RETREG1: variants seen among roughly 807,000 people sequenced by gnomAD.
The protein encoded by RETREG1 is reticulophagy regulator 1, also known as family with sequence similarity 134 member B.
Under a neutral mutation model 54.8 loss-of-function variants are expected in RETREG1, and 44 were observed. That is an observed-to-expected ratio of 0.80 (90% CI 0.63 to 1.03). The LOEUF (loss-of-function observed/expected upper bound fraction) is 1.03. Among genes scored for constraint, RETREG1 ranks in the 50% least tolerant of loss-of-function variants. The probability of loss-of-function intolerance (pLI) is 0.00; values close to 1 mark genes in which losing one functional copy is unlikely to be tolerated. For missense variants in RETREG1, 554 were observed against 605.1 expected, an observed-to-expected ratio of 0.92 and a Z score of 0.89; for synonymous variants, 217 against 238.5, an observed-to-expected ratio of 0.91 and a Z score of 0.83.
At chr5:16,560,484 G>A (rs1012406901) in intron 3 of RETREG1, among the ~76,000 whole-genome samples, 13 of 152,098 alleles carry the variant, frequency 8.5e-5, no homozygotes, top group Admixed American at 5.2e-4. Context: ...GTCATGAAAC[G>A]CCATGGAAAA....
At chr5:16,525,908 T>A (rs1256673276) in intron 3 of RETREG1, among the ~76,000 whole-genome samples, 2 of 152,138 alleles carry the variant, frequency 1.3e-5, no homozygotes, top group Non-Finnish European at 2.9e-5. Flanking sequence ...CTGAGGGAAG[T>A]CTGCAGACAG....
At chr5:16,490,265 A>G (rs908799257) in intron 3 of RETREG1, among the ~76,000 whole-genome samples, 1 of 152,218 alleles carries the variant, frequency 6.6e-6, no homozygotes, top group Non-Finnish European at 1.5e-5. Context: ...GGTTTCTGGC[A>G]TTTGTAAAAC....
At chr5:16,572,485 T>A (rs1342254028) in intron 1 of RETREG1, among the ~76,000 whole-genome samples, 2 of 152,178 alleles carry the variant, frequency 1.3e-5, no homozygotes, top group Non-Finnish European at 2.9e-5. Flanking sequence ...AGTGCTAGGA[T>A]TACAGGCGTG....
chr5:16,602,935 G>A (rs1367320029), intron 1 of RETREG1, among the ~76,000 whole-genome samples: 1 of 152,180 alleles, frequency 6.6e-6, no homozygotes, highest in Non-Finnish European at 1.5e-5. Flanking sequence ...TTGAACCTGG[G>A]AGGAGGAGGT....
intron 1 of RETREG1, 152 bp downstream of exon 1, chr5:16,616,500 T>C (rs1743513330): frequency 1.5e-6 from 2 of 1,334,782 alleles, no homozygotes; most frequent in South Asian, 1.4e-5. Flanking sequence ...AGTGTCTACC[T>C]GTTCGAGACA....
intron 3 of RETREG1, among the ~76,000 whole-genome samples, chr5:16,554,982 G>A (rs571590480): frequency 2.0e-5 from 3 of 152,046 alleles, no homozygotes; most frequent in Admixed American, 6.5e-5. Flanking sequence ...CATCTTTCCT[G>A]AGTGCCACAT....
At chr5:16,528,698 G>T (rs756900762) in intron 3 of RETREG1, among the ~76,000 whole-genome samples, 4 of 152,160 alleles carry the variant, frequency 2.6e-5, no homozygotes, top group Non-Finnish European at 5.9e-5. Flanking sequence ...TGAACACTAT[G>T]CCTCCTTCAA....
chr5:16,504,626 G>C (rs1739867634), intron 3 of RETREG1, among the ~76,000 whole-genome samples: 1 of 151,952 alleles, frequency 6.6e-6, no homozygotes, highest in Non-Finnish European at 1.5e-5. Context: ...ACACACCCGG[G>C]GTATCGCCAG....
intron 1 of RETREG1, among the ~76,000 whole-genome samples, chr5:16,579,303 C>G (rs1307103476): frequency 6.6e-6 from 1 of 152,132 alleles, no homozygotes; most frequent in East Asian, 1.9e-4. Context: ...GAAACTTGCT[C>G]AAGGCCCCAA....
At chr5:16,513,939 T>G (rs1319712918) in intron 3 of RETREG1, among the ~76,000 whole-genome samples, 1 of 152,224 alleles carries the variant, frequency 6.6e-6, no homozygotes, top group Non-Finnish European at 1.5e-5. Context: ...GCACTTTCTT[T>G]TTTTAAAAAT....
intron 3 of RETREG1, among the ~76,000 whole-genome samples, chr5:16,536,081 G>C (rs1273519731): frequency 6.6e-6 from 1 of 152,232 alleles, no homozygotes; most frequent in Non-Finnish European, 1.5e-5. Context: ...GCACCTGCCT[G>C]ATCTAATCTC....
Position 16,478,091 on chromosome 5 carries a change from G to A in RETREG1, c.816C>T (p.Asp272=), listed in dbSNP as rs162848. The change falls in exon 7 of 9, where the codon GAC becomes GAT. Residue 272 remains aspartate (D), a synonymous_variant. Coordinates refer to ENST00000306320, the MANE Select transcript of RETREG1 (RefSeq NM_001034850.3). Reference sequence around the variant, plus strand: ...TGTCATCTTTGTGACTTTTTTCTTTGTCTGCTTCTGTTGAGGAAAAAATTT... The same window carrying A: ...TGTCATCTTTGTGACTTTTTTCTTTATCTGCTTCTGTTGAGGAAAAAATTT... ...NQKKRERSEA[D]KEKSHKDDSE... 0.68 allele frequency: 1,096,317 copies of A among 1,604,128 alleles called. 377,592 individuals are homozygous for A. The highest frequency in any genetic ancestry group is 0.81 in the African/African-American group (60,228 of 74,814).
At chr5:16,483,564 G>C in intron 3 of RETREG1, 92 bp from the exon 4 acceptor site, 1 of 1,354,474 alleles carries the variant, frequency 7.4e-7, no homozygotes, top group South Asian at 1.2e-5. Flanking sequence ...AGCATCTACT[G>C]TTGGCCACAC....
intron 3 of RETREG1, among the ~76,000 whole-genome samples, chr5:16,514,910 T>TAC (rs144991707): frequency 0.036 from 5,195 of 145,978 alleles, 327 homozygotes; most frequent in African/African-American, 0.12. Context: ...CATATATATA[T>TAC]ATAATATATA....
intron 1 of RETREG1, among the ~76,000 whole-genome samples, chr5:16,595,761 G>T (rs760702791): frequency 6.6e-6 from 1 of 152,140 alleles, no homozygotes; most frequent in Admixed American, 6.5e-5. Context: ...CATTTGTCAG[G>T]GGGGCAAGAA....
chr5:16,494,075 T>G (rs1739352975), intron 3 of RETREG1, among the ~76,000 whole-genome samples: 1 of 152,208 alleles, frequency 6.6e-6, no homozygotes, highest in Admixed American at 6.5e-5. Context: ...TCATTTATGT[T>G]CACATAAATA....
In RETREG1 at chr5:16,578,089, T is replaced by A. The variant is rs556438288; in HGVS notation, c.321-5987A>T. ...GTTTCAGTCACTGCAGAGTTATCCT[T>A]ACTGATGCTCCAGCTACCCCGTCTT... On this transcript the variant is annotated intron_variant, in intron 1 of 8. Transcript: ENST00000306320. Among the ~76,000 whole-genome samples, 25 of 152,322 alleles carry A rather than the reference T, an allele frequency of 1.6e-4. No individual in the cohort carries two copies. The Middle Eastern group carries it at 0.01, about 62-fold the overall frequency.
intron 1 of RETREG1, among the ~76,000 whole-genome samples, chr5:16,577,841 T>TTC (rs1561127270): frequency 6.6e-6 from 1 of 152,204 alleles, no homozygotes; most frequent in Non-Finnish European, 1.5e-5. Context: ...TTAGCTCTCA[T>TTC]TCTCTCTTGC....
chr5:16,563,698 A>C (rs1741933528), intron 3 of RETREG1, among the ~76,000 whole-genome samples: 1 of 152,154 alleles, frequency 6.6e-6, no homozygotes, highest in African/African-American at 2.4e-5. Context: ...TTAGAAGATG[A>C]CCTGTGTGGG....
Sources: gnomAD v4.1 joint callset for allele counts (sites outside exome capture counted in the v4.1 genomes callset) on GRCh38, gnomAD v4.1.1 for gene constraint, MANE v1.5 for transcripts, NCBI Gene and HGNC (gene_info 2026-07-23, HGNC 2026-07-21) for gene names.